Variants in CCM2 observed in about 807,000 individuals in gnomAD.
The protein encoded by CCM2 is CCM2 scaffold protein.
CCM2 carries 25 observed loss-of-function variants against 44.9 expected under a neutral mutation model. The ratio of observed to expected loss-of-function variants is 0.56; its 90% CI spans 0.41 to 0.78. The LOEUF is 0.78. CCM2 is among the 30% of genes least tolerant of loss of function. The pLI, the probability that CCM2 is intolerant of heterozygous loss-of-function variation, is 0.00. For synonymous variants in CCM2, 219 were observed against 241.1 expected (o/e 0.91, Z 0.85); for missense variants, 481 against 580.6 (o/e 0.83, Z 1.76).
At chr7:45,070,772 A>G (rs1206225634) in intron 6 of CCM2, 1 of 166,832 alleles carries the variant, frequency 6.0e-6, no homozygotes, top group East Asian at 1.8e-4. Context: ...AACATGGAGA[A>G]ACCCTGTCTC....
chr7:45,069,815 C>G lies in CCM2; in HGVS notation c.610-11C>G. 1 of 1,614,004 alleles carries G rather than the reference C, an allele frequency of 6.2e-7. No homozygotes were observed. On this transcript the variant is annotated splice_polypyrimidine_tract_variant and intron_variant, in intron 5 of 9. Transcript: ENST00000258781. The stretch of plus-strand genomic sequence containing the variant: ...CCAGACTGACCGAGCAGCTGCTGTC[C>G]CCCACTGCAGGTCGCTGCGGAGGAG...
At chr7:45,073,372 C>A in intron 7 of CCM2, 88 bp from the exon 8 acceptor site, 2 of 832,242 alleles carry the variant, frequency 2.4e-6, no homozygotes, top group Non-Finnish European at 4.1e-6. Flanking sequence ...CAGGGACCCA[C>A]ACACACGGCA....
chr7:45,065,863 C>T (rs1044935138), intron 4 of CCM2, among the ~76,000 whole-genome samples: 2 of 152,170 alleles, frequency 1.3e-5, no homozygotes, highest in Admixed American at 6.5e-5. Flanking sequence ...CCATACTATC[C>T]GACACCATGG....
intron 2 of CCM2, among the ~76,000 whole-genome samples, chr7:45,061,993 C>T (rs1798548462): frequency 6.6e-6 from 1 of 152,192 alleles, no homozygotes; most frequent in South Asian, 2.1e-4. Context: ...CCTTTCCTCT[C>T]TGCTGGTGCT....
intron 1 of CCM2, among the ~76,000 whole-genome samples, chr7:45,002,344 C>G (rs184350647): frequency 6.6e-4 from 101 of 152,214 alleles, no homozygotes; most frequent in African/African-American, 2.2e-3. Context: ...GGCCAAGGCT[C>G]GATCACTTTA....
intron 1 of CCM2, among the ~76,000 whole-genome samples, chr7:45,022,375 C>T (rs1163736066): frequency 1.6e-5 from 2 of 127,806 alleles, no homozygotes; most frequent in African/African-American, 6.0e-5. Flanking sequence ...GGTGCGATCT[C>T]GGTTCACTGC....
At chr7:45,073,179 C>G (rs1799165786) in intron 7 of CCM2, 2 of 577,472 alleles carry the variant, frequency 3.5e-6, no homozygotes, top group Admixed American at 3.0e-5. Context: ...AACCCTGGCT[C>G]CTTCCCCTGC....
chr7:45,020,087 GGCCAATAAAATTGCA>G lies in CCM2; in HGVS notation c.31-18163_31-18149del, dbSNP rs575039364. 3.5e-3 allele frequency among the ~76,000 whole-genome samples: 536 copies of G among 152,174 alleles called. 2 individuals carry two copies. The highest frequency in any genetic ancestry group is 0.012 in the African/African-American group (507 of 41,518). On this transcript the variant is annotated intron_variant, in intron 1 of 9. Coordinates refer to ENST00000258781, the MANE Select transcript of CCM2 (RefSeq NM_031443.4). The stretch of plus-strand genomic sequence containing the variant: ...TCTCAAATCCTCCTTTAACCTGTCA[GGCCAATAAAATTGCA>G]GCTTTTTTTTCTCTGCTCCACTCCT...
At chr7:45,061,456 CTTTT>C (rs57140747) in intron 2 of CCM2, among the ~76,000 whole-genome samples, 6 of 122,292 alleles carry the variant, frequency 4.9e-5, no homozygotes, top group East Asian at 4.5e-4. Context: ...TTCTTTCTTT[CTTTT>C]TTTTTTTTTT....
intron 6 of CCM2, chr7:45,072,478 G>C: frequency 1.6e-6 from 1 of 611,058 alleles, no homozygotes; most frequent in Non-Finnish European, 3.0e-6. Flanking sequence ...GTGTACTTCA[G>C]CCCAGCGTGC....
chr7:45,056,801 G>A (rs560208265), intron 2 of CCM2, among the ~76,000 whole-genome samples: 29 of 152,182 alleles, frequency 1.9e-4, no homozygotes, highest in Admixed American at 5.2e-4. Context: ...ATTCTTTGGC[G>A]CACAAAAGTG....
rs1263721079 is a variant in CCM2 at position 45,022,303 on chromosome 7, T to A, written c.31-15950T>A. ...TTTTTGGACCAGCTTTTTTTTTTTT[T>A]TTTTTTTTTTTTTTTTGAGATGGAG... On this transcript the variant is annotated intron_variant, in intron 1 of 9. Coordinates refer to ENST00000258781, the MANE Select transcript of CCM2 (RefSeq NM_031443.4). 3.0e-5 allele frequency among the ~76,000 whole-genome samples: 4 copies of A among 132,716 alleles called. No individual in the cohort carries two copies. The East Asian group carries it at 8.7e-4, about 29-fold the overall frequency. The allele number at this position is 132,716 out of a possible 152,430, so 87.1% of individuals were successfully genotyped here. A position where few individuals can be genotyped will look rare whatever the true frequency, so the allele number is the denominator to read the frequency against.
In CCM2 at chr7:45,017,724, CT is replaced by C. The variant is rs1455763111; in HGVS notation, c.30+17362del. Among the ~76,000 whole-genome samples the C allele has an allele frequency of 2.0e-5, 3 of 152,136 alleles. No homozygotes were observed. The East Asian group carries it at 5.8e-4, about 29-fold the overall frequency. Reference sequence around the variant, plus strand: ...TGTGGTCTCTATTTTAACATTAATGCTGGTCAGTTGTGCCTGAACTACAAAA... The same window carrying C: ...TGTGGTCTCTATTTTAACATTAATGCGGTCAGTTGTGCCTGAACTACAAAA... On this transcript the variant is annotated intron_variant, in intron 1 of 9. Coordinates refer to ENST00000258781, the MANE Select transcript of CCM2 (RefSeq NM_031443.4).
At chr7:45,010,700 T>C (rs2128713837) in intron 1 of CCM2, among the ~76,000 whole-genome samples, 1 of 152,038 alleles carries the variant, frequency 6.6e-6, no homozygotes, top group East Asian at 1.9e-4. Flanking sequence ...TGGGTTCAAG[T>C]GATTCTCCTG....
chr7:45,042,264 T>TAAAAAAAAAAAAAAAAAAAA (rs1412284392), intron 2 of CCM2, among the ~76,000 whole-genome samples: 1 of 23,912 alleles, frequency 4.2e-5, no homozygotes, highest in Non-Finnish European at 7.9e-5. Flanking sequence ...AGATTCCATC[T>TAAAAAAAAAAAAAAAAAAAA]CAAAAAAAAA....
At chr7:45,045,893 TAAA>T (rs1208966809) in intron 2 of CCM2, among the ~76,000 whole-genome samples, 2 of 152,162 alleles carry the variant, frequency 1.3e-5, no homozygotes, top group Non-Finnish European at 2.9e-5. Flanking sequence ...CACAATCACT[TAAA>T]AAATGAAACA....
At chr7:45,040,795 T>G (rs1368589741) in intron 2 of CCM2, among the ~76,000 whole-genome samples, 1 of 152,216 alleles carries the variant, frequency 6.6e-6, no homozygotes, top group Non-Finnish European at 1.5e-5. Context: ...GAGATCAGCC[T>G]GGCCAACATG....
At chr7:45,056,358 T>A (rs1265271504) in intron 2 of CCM2, among the ~76,000 whole-genome samples, 1 of 152,202 alleles carries the variant, frequency 6.6e-6, no homozygotes, top group Non-Finnish European at 1.5e-5. Flanking sequence ...TTTCCCTTTT[T>A]TAAATAGCCA....
At chr7:45,005,524 C>G (rs1159135700) in intron 1 of CCM2, among the ~76,000 whole-genome samples, 1 of 138,110 alleles carries the variant, frequency 7.2e-6, no homozygotes, top group Non-Finnish European at 1.5e-5. Flanking sequence ...TTTTCATTTC[C>G]GTCAGCAGTG....
Sources: allele counts gnomAD v4.1 joint callset (sites outside exome capture counted in the v4.1 genomes callset), GRCh38; gene constraint gnomAD v4.1.1; transcripts MANE v1.5; gene names NCBI Gene and HGNC (gene_info 2026-07-23, HGNC 2026-07-21).